Variants in VSNL1 observed in about 807,000 individuals in gnomAD.
VSNL1 encodes visinin-like protein 1.
A neutral mutation model predicts 20.4 loss-of-function variants in VSNL1; 6 were observed. The ratio of observed to expected loss-of-function variants is 0.29; its 90% confidence interval spans 0.16 to 0.58. The LOEUF is 0.58. VSNL1 is among the 20% of genes least tolerant of loss of function. VSNL1 has a pLI of 0.90. For missense variants in VSNL1, 100 were observed against 234.5 expected, an observed-to-expected ratio of 0.43 and a Z score of 3.75; for synonymous variants, 93 against 86.4, an observed-to-expected ratio of 1.08 and a Z score of -0.42.
intron 3 of VSNL1, among the ~76,000 whole-genome samples, chr2:17,653,242 G>A (rs1666158689): frequency 6.6e-6 from 1 of 152,150 alleles, no homozygotes; most frequent in African/African-American, 2.4e-5. Flanking sequence ...TCATGGATAC[G>A]ATTAATGAGA....
At chr2:17,645,321 G>T (rs1273783855) in intron 2 of VSNL1, among the ~76,000 whole-genome samples, 1 of 152,248 alleles carries the variant, frequency 6.6e-6, no homozygotes, top group Non-Finnish European at 1.5e-5. Context: ...CCCACCCAAA[G>T]GTTGGGCTGG....
chr2:17,626,912 A>T (rs1164781226), intron 2 of VSNL1, among the ~76,000 whole-genome samples: 1 of 152,228 alleles, frequency 6.6e-6, no homozygotes, highest in Non-Finnish European at 1.5e-5. Flanking sequence ...CCATGGCCAT[A>T]GCCTGCTGGG....
At chr2:17,590,267 G>C (rs1005939947) in intron 1 of VSNL1, among the ~76,000 whole-genome samples, 1 of 152,160 alleles carries the variant, frequency 6.6e-6, no homozygotes, top group Non-Finnish European at 1.5e-5. Context: ...AAAAACCAAA[G>C]TAAAGTACTG....
chr2:17,655,454 T>TACAC lies in VSNL1; in HGVS notation c.*60_*61insACAC, dbSNP rs1558314361. Reference sequence around the variant, plus strand: ...CAATGTTCCATTCAGTCTGCAGCTATTCACACACACACACACACACACACA... The same window carrying TACAC: ...CAATGTTCCATTCAGTCTGCAGCTATACACTCACACACACACACACACACACACA... On this transcript the variant is annotated 3_prime_UTR_variant, in exon 4 of 4. Transcript: ENST00000295156. This position sits in a 1 kb window ranked among gnomAD's most constrained non-coding sequence, Gnocchi z 5.2. 3.0e-4 allele frequency: 228 copies of TACAC among 765,204 alleles called. No homozygotes were observed. In the Middle Eastern group the frequency reaches 5.9e-3, roughly 20 times the overall value. 47.4% of individuals were successfully genotyped at this position (765,204 alleles called of 1,614,324 possible). A position where few individuals can be genotyped will look rare whatever the true frequency, so the allele number is the denominator to read the frequency against.
At chr2:17,631,529 C>CA (rs1665628896) in intron 2 of VSNL1, among the ~76,000 whole-genome samples, 1 of 152,118 alleles carries the variant, frequency 6.6e-6, no homozygotes, top group African/African-American at 2.4e-5. Context: ...CAATATGGGT[C>CA]ACAAGTAAGA....
chr2:17,625,449 G>A (rs1665486696), intron 2 of VSNL1, among the ~76,000 whole-genome samples: 1 of 152,210 alleles, frequency 6.6e-6, no homozygotes, highest in African/African-American at 2.4e-5. Context: ...ATTGTGCTAT[G>A]ATGAACTATT....
At chr2:17,564,090 G>GA (rs1346532215) in intron 1 of VSNL1, among the ~76,000 whole-genome samples, 1 of 152,094 alleles carries the variant, frequency 6.6e-6, no homozygotes, top group East Asian at 1.9e-4. Flanking sequence ...AAATAAAACA[G>GA]AAAAAATGAA....
intron 2 of VSNL1, among the ~76,000 whole-genome samples, chr2:17,618,739 A>G (rs1200762064): frequency 6.6e-6 from 1 of 152,214 alleles, no homozygotes. Flanking sequence ...TTTTACACAT[A>G]TTAACTGATT....
chr2:17,624,610 C>T (rs1461510570), intron 2 of VSNL1, among the ~76,000 whole-genome samples: 3 of 152,036 alleles, frequency 2.0e-5, no homozygotes, highest in African/African-American at 4.8e-5. Context: ...GTGAGGATTC[C>T]GTCTGCCACC....
At chr2:17,585,960 C>T (rs1572348483) in intron 1 of VSNL1, among the ~76,000 whole-genome samples, 1 of 152,106 alleles carries the variant, frequency 6.6e-6, no homozygotes, top group South Asian at 2.1e-4. Flanking sequence ...AGGTGCCCAC[C>T]ACCACACCTG....
At chr2:17,554,528 T>C (rs1030435561) in intron 1 of VSNL1, among the ~76,000 whole-genome samples, 49 of 152,174 alleles carry the variant, frequency 3.2e-4, no homozygotes, top group Admixed American at 1.6e-3. Context: ...AAGACATTAC[T>C]TTTTCTTTCA....
chr2:17,624,280 C>T (rs1361012777), intron 2 of VSNL1, among the ~76,000 whole-genome samples: 4 of 152,190 alleles, frequency 2.6e-5, no homozygotes, highest in Non-Finnish European at 1.5e-5. Flanking sequence ...GAGGCTCACT[C>T]GCTGGGAAAC....
chr2:17,580,612 T>G (rs550257150), intron 1 of VSNL1, among the ~76,000 whole-genome samples: 1 of 152,356 alleles, frequency 6.6e-6, no homozygotes, highest in South Asian at 2.1e-4. Context: ...TTTTCTCATC[T>G]ATACAAGTTC....
chr2:17,560,329 A>T (rs962424051), intron 1 of VSNL1, among the ~76,000 whole-genome samples: 8 of 151,906 alleles, frequency 5.3e-5, no homozygotes, highest in African/African-American at 1.9e-4. Context: ...AGAGGTATTT[A>T]AAAAAAGAGT....
At chr2:17,571,688 A>G (rs986098135) in intron 1 of VSNL1, among the ~76,000 whole-genome samples, 1 of 152,248 alleles carries the variant, frequency 6.6e-6, no homozygotes, top group Admixed American at 6.5e-5. Flanking sequence ...CTTACATTCT[A>G]GTGAAAGTAG....
chr2:17,622,580 GAAA>G (rs1665020260), intron 2 of VSNL1, among the ~76,000 whole-genome samples: 2 of 120,922 alleles, frequency 1.7e-5, no homozygotes, highest in African/African-American at 5.7e-5. Context: ...AAGAAAGAAA[GAAA>G]GAAAGAAAGA....
At chr2:17,597,179 T>C (rs941763398) in intron 2 of VSNL1, among the ~76,000 whole-genome samples, 3 of 152,158 alleles carry the variant, frequency 2.0e-5, no homozygotes, top group Non-Finnish European at 4.4e-5. Context: ...GTCATCCCTA[T>C]TCCCATCCTG....
intron 2 of VSNL1, among the ~76,000 whole-genome samples, chr2:17,629,052 A>G (rs1486205343): frequency 6.6e-6 from 1 of 152,228 alleles, no homozygotes; most frequent in Non-Finnish European, 1.5e-5. Flanking sequence ...AAGCCCAGCC[A>G]CAGCTAAATC....
chr2:17,560,198 A>AT (rs1663781038), intron 1 of VSNL1, among the ~76,000 whole-genome samples: 1 of 1,266 alleles, frequency 7.9e-4, no homozygotes, highest in Non-Finnish European at 0.1. Context: ...GGAAAACATC[A>AT]TATATATATA....
Sources: allele counts gnomAD v4.1 joint callset (sites outside exome capture counted in the v4.1 genomes callset), GRCh38; gene constraint gnomAD v4.1.1; non-coding constraint Gnocchi (gnomAD v3.1); transcripts MANE v1.5; gene names NCBI Gene and HGNC (gene_info 2026-07-23, HGNC 2026-07-21).